DLGAP4: variants seen among roughly 807,000 people sequenced by gnomAD.
DLGAP4 encodes DLG associated protein 4.
In DLGAP4, 18 loss-of-function variants were observed where a neutral mutation model predicts 86.9. The ratio of observed to expected loss-of-function variants is 0.21; its 90% CI spans 0.14 to 0.31. The LOEUF (loss-of-function observed/expected upper bound fraction) is 0.31, where lower values mean the gene tolerates loss of function less well. Among genes scored for constraint, DLGAP4 ranks in the 10% least tolerant of loss-of-function variants. DLGAP4 has a pLI of 1.00. For synonymous variants in DLGAP4, 548 were observed against 574.3 expected (o/e 0.95, Z 0.65); for missense variants, 1,085 against 1,362.6 (o/e 0.80, Z 3.21).
At chr20:36,480,822 A>G (rs781757659) in intron 7 of DLGAP4, among the ~76,000 whole-genome samples, 2 of 152,172 alleles carry the variant, frequency 1.3e-5, no homozygotes, top group Non-Finnish European at 2.9e-5. Context: ...CATGGGCAAC[A>G]TAGTGAGACC....
At chr20:36,371,800 A>G (rs564632884) in intron 2 of DLGAP4, among the ~76,000 whole-genome samples, 30 of 152,264 alleles carry the variant, frequency 2.0e-4, no homozygotes, top group Non-Finnish European at 4.3e-4. Flanking sequence ...GGGTAGCATT[A>G]TATCATTTCT....
In DLGAP4 at chr20:36,500,381, A is replaced by G. The variant is rs1157110201; in HGVS notation, c.2282A>G (p.Asn761Ser). The G allele has an allele frequency of 1.2e-6, 2 of 1,607,724 alleles. No homozygotes were observed. Among genetic ancestry groups the G allele is most frequent in the East Asian group, 4.5e-5 (2 of 44,708 alleles). ...CCCAAGATTGCCCAGATCAAGCGCA[A>G]CCTCTCCTATGGAGACAACAGCGAC... Reference protein sequence around the residue: ...QAPKIAQIKRNLSYGDNSDPA... With the variant: ...QAPKIAQIKRSLSYGDNSDPA... Residue 761 changes from asparagine to serine, a missense_variant, in exon 10 of 13, where the codon AAC becomes AGC. Asn to Ser is a conservative substitution (Grantham distance 46, BLOSUM62 1). Coordinates refer to ENST00000339266, the MANE Select transcript of DLGAP4 (RefSeq NM_001365621.2). The surrounding 1 kb of genome is among the most constrained non-coding windows in gnomAD (Gnocchi z 4.6).
Position 36,512,930 on chromosome 20 carries a change from C to CTTT in DLGAP4, c.2513-11320_2513-11319insTTT, listed in dbSNP as rs1390698701. Among the ~76,000 whole-genome samples, 12 of 66,490 alleles carry CTTT rather than the reference C, an allele frequency of 1.8e-4. 1 individual carries two copies. The highest frequency in any genetic ancestry group is 6.7e-4 in the African/African-American group (11 of 16,366). The allele number at this position is 66,490 out of a possible 152,430, so 43.6% of individuals were successfully genotyped here. A position where few individuals can be genotyped will look rare whatever the true frequency, so the allele number is the denominator to read the frequency against. ...CTCAGATCACAGGGGTCTCAGAGGC[C>CTTT]CTTTTTTTTTTTTTTTTTTTTTTTT... On this transcript the variant is annotated intron_variant, in intron 10 of 12. Coordinates refer to ENST00000339266, the MANE Select transcript of DLGAP4 (RefSeq NM_001365621.2).
At chr20:36,499,270 T>C (rs757213462) in intron 8 of DLGAP4, 2 of 1,613,492 alleles carry the variant, frequency 1.2e-6, no homozygotes, top group Admixed American at 3.3e-5. Context: ...GGTTCCCACC[T>C]CTCGGAGGAC....
intron 7 of DLGAP4, among the ~76,000 whole-genome samples, chr20:36,488,148 C>T (rs1255776996): frequency 6.8e-6 from 1 of 146,826 alleles, no homozygotes; most frequent in Non-Finnish European, 1.5e-5. Context: ...TGCAGTAAGC[C>T]AAGATTGCTC....
rs1455190099 is a variant in DLGAP4 at position 36,475,816 on chromosome 20, G to A, written c.1649-20889G>A. On this transcript the variant is annotated intron_variant, in intron 7 of 12. Transcript: ENST00000339266. ...GCTGGGGCTCATTCTTCAGTGGGCC[G>A]CTCACTAGTCCATTTTTAACACTGT... Among the ~76,000 whole-genome samples the A allele has an allele frequency of 3.9e-5, 6 of 152,022 alleles. No homozygotes were observed. In the South Asian group the frequency reaches 8.3e-4, roughly 21 times the overall value.
chr20:36,526,214 GTGTCCTGCCCTGCA>G, intron 12 of DLGAP4: 1 of 691,576 alleles, frequency 1.4e-6, no homozygotes, highest in East Asian at 2.7e-5. Context: ...CCTGAAGCAT[GTGTCCTGCCCTGCA>G]TGTCCAGAAA....
chr20:36,319,205 G>A (rs542464087), intron 1 of DLGAP4, among the ~76,000 whole-genome samples: 15 of 152,216 alleles, frequency 9.9e-5, no homozygotes, highest in South Asian at 8.3e-4. Flanking sequence ...CAGGCCCGGA[G>A]GGAGGGAGCT....
intron 2 of DLGAP4, among the ~76,000 whole-genome samples, chr20:36,381,177 CAGCA>C (rs1462067654): frequency 1.3e-5 from 2 of 152,238 alleles, no homozygotes; most frequent in African/African-American, 4.8e-5. Flanking sequence ...TTCATTCATT[CAGCA>C]AGCAAGCAAG....
chr20:36,455,780 C>A (rs528788029), intron 7 of DLGAP4, among the ~76,000 whole-genome samples: 1 of 152,150 alleles, frequency 6.6e-6, no homozygotes, highest in Non-Finnish European at 1.5e-5. Flanking sequence ...CTAACCTCCC[C>A]CCGGCACCAC....
In DLGAP4 at chr20:36,442,784, A is replaced by T. The variant is rs747830819; in HGVS notation, c.1407+7A>T. The T allele has an allele frequency of 1.2e-6, 2 of 1,614,078 alleles. No individual in the cohort carries two copies. Among genetic ancestry groups the T allele is most frequent in the Admixed American group, 3.3e-5 (2 of 60,010 alleles). On this transcript the variant is annotated splice_region_variant and intron_variant, in intron 6 of 12. Transcript: ENST00000339266. ...GTTTGGCCATGAGCAGCAGGTCAGT[A>T]TGTTTGCCCTTCTCTTCCACCCCAA...
chr20:36,425,822 AAAAAC>A lies in DLGAP4; in HGVS notation c.-72-5809_-72-5805del, dbSNP rs552550484. 2.1e-3 allele frequency among the ~76,000 whole-genome samples: 327 copies of A among 152,290 alleles called. 2 individuals carry two copies. The highest frequency in any genetic ancestry group is 7.2e-3 in the African/African-American group (300 of 41,560). The stretch of plus-strand genomic sequence containing the variant: ...GGCGACAAGAGCAAGACTCCATCTC[AAAAAC>A]AAAACAAAACAAAAGTTAAACATAG... On this transcript the variant is annotated intron_variant, in intron 2 of 12. Coordinates refer to ENST00000339266, the MANE Select transcript of DLGAP4 (RefSeq NM_001365621.2).
intron 2 of DLGAP4, among the ~76,000 whole-genome samples, chr20:36,374,904 G>C (rs1294889757): frequency 2.6e-5 from 4 of 152,248 alleles, no homozygotes; most frequent in African/African-American, 9.6e-5. Flanking sequence ...TTCCAGGTCA[G>C]GGGGGTCCAA....
chr20:36,362,758 G>A (rs782198859), intron 1 of DLGAP4, among the ~76,000 whole-genome samples: 3 of 152,156 alleles, frequency 2.0e-5, no homozygotes, highest in Non-Finnish European at 4.4e-5. Context: ...CAATTACGTG[G>A]CCTGTTGTAT....
At chr20:36,362,974 A>C (rs1163651037) in intron 1 of DLGAP4, among the ~76,000 whole-genome samples, 1 of 152,214 alleles carries the variant, frequency 6.6e-6, no homozygotes, top group Non-Finnish European at 1.5e-5. Context: ...GCCCAAGGTC[A>C]TGCAGCCACG....
chr20:36,448,948 G>C, intron 7 of DLGAP4, among the ~76,000 whole-genome samples: 1 of 151,612 alleles, frequency 6.6e-6, no homozygotes, highest in East Asian at 1.9e-4. Context: ...AAAAAAAAAA[G>C]CAATTGGGGT....
intron 7 of DLGAP4, among the ~76,000 whole-genome samples, chr20:36,466,959 T>TGTCTCTCTCC (rs1440896368): frequency 4.6e-5 from 7 of 151,374 alleles, no homozygotes; most frequent in African/African-American, 1.7e-4. Flanking sequence ...TCTCTCTCTC[T>TGTCTCTCTCC]CTCTCTGTCT....
intron 1 of DLGAP4, among the ~76,000 whole-genome samples, chr20:36,363,243 G>T (rs782013896): frequency 3.9e-5 from 6 of 152,230 alleles, no homozygotes; most frequent in South Asian, 4.1e-4. Context: ...AGGAGCAGGT[G>T]GGGGAGGGAA....
Position 36,527,192 on chromosome 20 carries a change from T to G in DLGAP4, c.*161T>G. ...ACAAGGGCTCACAATTTGGCTTTTT[T>G]GGGTCCCTCCCAGCTTTAGGTTATG... On this transcript the variant is annotated 3_prime_UTR_variant, in exon 13 of 13. Transcript: ENST00000339266. 2 of 613,010 alleles carry G rather than the reference T, an allele frequency of 3.3e-6. No homozygotes were observed. The highest frequency in any genetic ancestry group is 7.5e-5 in the South Asian group (2 of 26,816). 38.0% of individuals were successfully genotyped at this position (613,010 alleles called of 1,614,324 possible). A position where few individuals can be genotyped will look rare whatever the true frequency, so the allele number is the denominator to read the frequency against.
Sources: gnomAD v4.1 joint callset for allele counts (sites outside exome capture counted in the v4.1 genomes callset) on GRCh38, gnomAD v4.1.1 for gene constraint, Gnocchi (gnomAD v3.1) non-coding constraint, MANE v1.5 for transcripts, NCBI Gene and HGNC (gene_info 2026-07-23, HGNC 2026-07-21) for gene names.